LASP1: variants seen among roughly 807,000 people sequenced by gnomAD.
LASP1 encodes LIM and SH3 domain protein 1.
Under a neutral mutation model 38.6 loss-of-function variants are expected in LASP1, and 10 were observed. The observed-to-expected ratio is 0.26, with a 90% CI of 0.16 to 0.44. The LOEUF is 0.44. LASP1 is among the 20% of genes least tolerant of loss of function. LASP1 has a pLI of 1.00. For missense variants in LASP1, 243 were observed against 375.7 expected (o/e 0.65, Z 2.92); for synonymous variants, 132 against 140.8 (o/e 0.94, Z 0.44).
At chr17:38,902,085 A>G (rs1384162194) in intron 4 of LASP1, among the ~76,000 whole-genome samples, 2 of 148,932 alleles carry the variant, frequency 1.3e-5, no homozygotes, top group Non-Finnish European at 3.0e-5. Context: ...TTTTTGAGAC[A>G]GGGTTTCGCT....
chr17:38,876,924 C>T (rs902456542), intron 1 of LASP1, among the ~76,000 whole-genome samples: 3 of 151,920 alleles, frequency 2.0e-5, no homozygotes, highest in African/African-American at 4.8e-5. Context: ...AGGATGGTCT[C>T]GATCTCTTGA....
chr17:38,878,302 C>T (rs1441866374), intron 2 of LASP1, 122 bp downstream of exon 2: 4 of 673,170 alleles, frequency 5.9e-6, no homozygotes, highest in African/African-American at 3.5e-5. Flanking sequence ...CCTACTTGAA[C>T]ATCACAGTTT....
intron 2 of LASP1, among the ~76,000 whole-genome samples, chr17:38,879,639 T>G (rs1037462582): frequency 2.6e-5 from 4 of 151,704 alleles, no homozygotes; most frequent in African/African-American, 9.7e-5. Flanking sequence ...AAAAAAAATT[T>G]GGGACTTGTC....
chr17:38,902,630 A>C (rs1914677278), intron 4 of LASP1, among the ~76,000 whole-genome samples: 2 of 152,142 alleles, frequency 1.3e-5, no homozygotes, highest in South Asian at 4.1e-4. Flanking sequence ...CTGTTCCTGT[A>C]TGTAGCTTGT....
chr17:38,917,590 T>C (rs1054527411), intron 6 of LASP1, among the ~76,000 whole-genome samples: 18 of 152,146 alleles, frequency 1.2e-4, no homozygotes, highest in African/African-American at 3.9e-4. Flanking sequence ...AAGATCTTTG[T>C]CCTGAACTTG....
chr17:38,883,752 T>C (rs1189730138), intron 2 of LASP1, among the ~76,000 whole-genome samples: 3 of 151,774 alleles, frequency 2.0e-5, no homozygotes, highest in African/African-American at 7.2e-5. Flanking sequence ...TTTTTTTTTT[T>C]TTTTTCTTTT....
intron 2 of LASP1, among the ~76,000 whole-genome samples, chr17:38,881,752 A>G (rs962364174): frequency 6.6e-6 from 1 of 151,994 alleles, no homozygotes; most frequent in Non-Finnish European, 1.5e-5. Flanking sequence ...CCACCCAGTG[A>G]GTGTGTGAGT....
chr17:38,910,848 G>T (rs555329462), intron 4 of LASP1, among the ~76,000 whole-genome samples: 1 of 151,828 alleles, frequency 6.6e-6, no homozygotes, highest in Non-Finnish European at 1.5e-5. Flanking sequence ...TCAGCCTTCC[G>T]AGTAGCTGGG....
intron 2 of LASP1, among the ~76,000 whole-genome samples, chr17:38,889,167 G>A (rs911909211): frequency 1.8e-4 from 27 of 152,056 alleles, no homozygotes; most frequent in Admixed American, 6.6e-4. Context: ...GTCTGGCTCT[G>A]TCACATAGGC....
chr17:38,901,904 T>C (rs1173345652), intron 4 of LASP1, among the ~76,000 whole-genome samples: 2 of 152,084 alleles, frequency 1.3e-5, no homozygotes, highest in Non-Finnish European at 2.9e-5. Flanking sequence ...TAGCTGGGAC[T>C]ACAGGCGCCC....
intron 2 of LASP1, among the ~76,000 whole-genome samples, chr17:38,880,198 A>C (rs1440336459): frequency 6.6e-6 from 1 of 152,236 alleles, no homozygotes; most frequent in Non-Finnish European, 1.5e-5. Context: ...CCCAGCACGC[A>C]GAAGTCTGAC....
At chr17:38,885,432 G>A (rs1914091115) in intron 2 of LASP1, among the ~76,000 whole-genome samples, 1 of 152,146 alleles carries the variant, frequency 6.6e-6, no homozygotes, top group African/African-American at 2.4e-5. Context: ...CCCTATCCCT[G>A]TCCAGTCCCT....
At chr17:38,875,219 A>C (rs1913733144) in intron 1 of LASP1, among the ~76,000 whole-genome samples, 1 of 152,076 alleles carries the variant, frequency 6.6e-6, no homozygotes, top group African/African-American at 2.4e-5. Flanking sequence ...AGAGGCCAGC[A>C]GACTGGGTGG....
chr17:38,892,252 G>C (rs964265580), intron 3 of LASP1, among the ~76,000 whole-genome samples: 1 of 152,186 alleles, frequency 6.6e-6, no homozygotes, highest in African/African-American at 2.4e-5. Flanking sequence ...TTGGGCCCTG[G>C]TCTTGTCACT....
chr17:38,886,645 G>A (rs1914147381), intron 2 of LASP1, among the ~76,000 whole-genome samples: 1 of 152,056 alleles, frequency 6.6e-6, no homozygotes, highest in Non-Finnish European at 1.5e-5. Flanking sequence ...ATGTTGGAGG[G>A]GCTCCCGAGA....
intron 2 of LASP1, among the ~76,000 whole-genome samples, chr17:38,880,299 G>A (rs1231971985): frequency 1.3e-5 from 2 of 152,214 alleles, no homozygotes; most frequent in African/African-American, 4.8e-5. Flanking sequence ...TGTTTTCTCT[G>A]CGTTTTATCA....
intron 3 of LASP1, 47 bp downstream of exon 3, chr17:38,890,551 G>A (rs1407501772): frequency 1.9e-6 from 3 of 1,558,052 alleles, no homozygotes; most frequent in Admixed American, 1.7e-5. Flanking sequence ...GGATGCTGGG[G>A]AGGGAAGTTG....
At chr17:38,898,590 A>G in intron 4 of LASP1, 71 bp downstream of exon 4, 1 of 1,171,464 alleles carries the variant, frequency 8.5e-7, no homozygotes, top group Non-Finnish European at 1.2e-6. Flanking sequence ...AGCCTGGCAG[A>G]CGCAAGCCTG....
At chr17:38,909,594 G>A (rs889195227) in intron 4 of LASP1, among the ~76,000 whole-genome samples, 8 of 151,356 alleles carry the variant, frequency 5.3e-5, no homozygotes, top group African/African-American at 9.7e-5. Context: ...GCGACAGAGC[G>A]AGACTCCATC....
Sources: gnomAD v4.1 joint callset for allele counts (sites outside exome capture counted in the v4.1 genomes callset) on GRCh38, gnomAD v4.1.1 for gene constraint, MANE v1.5 for transcripts, NCBI Gene and HGNC (gene_info 2026-07-23, HGNC 2026-07-21) for gene names.